CLK3: variants seen among roughly 807,000 people sequenced by gnomAD.
CLK3 encodes the protein dual specificity protein kinase CLK3.
Under a neutral mutation model 65.2 loss-of-function variants are expected in CLK3, and 24 were observed. The observed-to-expected ratio is 0.37, with a 90% CI of 0.27 to 0.52. CLK3 has a LOEUF of 0.52. CLK3 is among the 20% of genes least tolerant of loss of function. The pLI is 0.92. For missense variants in CLK3, 506 were observed against 660.0 expected, an observed-to-expected ratio of 0.77 and a Z score of 2.56; for synonymous variants, 252 against 240.8, an observed-to-expected ratio of 1.05 and a Z score of -0.43.
chr15:74,615,622 C>T, upstream of CLK3: 4 of 1,252,160 alleles, frequency 3.2e-6, no homozygotes, highest in Non-Finnish European at 4.0e-6. Context: ...TGCGCCGCGA[C>T]ACGGCGGGAG....
In CLK3 at chr15:74,627,296, TG is replaced by T; in HGVS notation, c.818-54del. The T allele has an allele frequency of 7.2e-7, 1 of 1,388,266 alleles. No individual in the cohort carries two copies. The highest frequency in any genetic ancestry group is 1.2e-5 in the South Asian group (1 of 86,070). 86.0% of individuals were successfully genotyped at this position (1,388,266 alleles called of 1,614,324 possible). A position where few individuals can be genotyped will look rare whatever the true frequency, so the allele number is the denominator to read the frequency against. On this transcript the variant is annotated intron_variant, in intron 7 of 12. Coordinates refer to ENST00000395066, the MANE Select transcript of CLK3 (RefSeq NM_001130028.2). The surrounding 1 kb of genome is among the most constrained non-coding windows in gnomAD (Gnocchi z 4.3). ...TTGGAAGAGGGGTCTGGCCTAGAGC[TG>T]GCAGGAGAGCCAGCTTCTCAGTGCC...
Position 74,624,913 on chromosome 15 carries a change from A to T in CLK3, c.545A>T (p.Gln182Leu). ...ECLDHARGKS[Q>L]VALKIIRNVG... The stretch of plus-strand genomic sequence containing the variant: ...TTCCCGGGTACCAGAGGGAAGTCTC[A>T]GGTTGCCCTGAAGATCATCCGCAAC... Residue 182 changes from glutamine (Q) to leucine (L), a missense_variant, in exon 6 of 13, where the codon CAG becomes CTG. Coordinates refer to ENST00000395066, the MANE Select transcript of CLK3 (RefSeq NM_001130028.2). This position sits in a 1 kb window ranked among gnomAD's most constrained non-coding sequence, Gnocchi z 4.2. 6.2e-7 allele frequency: 1 copy of T among 1,605,282 alleles called. No homozygotes were observed. The highest frequency in any genetic ancestry group is 1.7e-5 in the Admixed American group (1 of 58,376).
chr15:74,619,393 G>A (rs780180763), intron 2 of CLK3, 45 bp downstream of exon 2: 2 of 1,605,054 alleles, frequency 1.2e-6, no homozygotes, highest in Non-Finnish European at 1.7e-6. Flanking sequence ...TCTGTCAGCT[G>A]GGCTCAGCTG....
Position 74,624,733 on chromosome 15 carries a change from G to A in CLK3, c.534-169G>A. 1 of 613,626 alleles carries A rather than the reference G, an allele frequency of 1.6e-6. No homozygotes were observed. The highest frequency in any genetic ancestry group is 3.0e-6 in the Non-Finnish European group (1 of 335,718). The allele number at this position is 613,626 out of a possible 1,614,324, so 38.0% of individuals were successfully genotyped here. On this transcript the variant is annotated intron_variant, in intron 5 of 12. Coordinates refer to ENST00000395066, the MANE Select transcript of CLK3 (RefSeq NM_001130028.2). The surrounding 1 kb of genome is among the most constrained non-coding windows in gnomAD (Gnocchi z 4.2). ...ATCTCAGGGAGCTTGCTGTTGGGTG[G>A]GCAAAGGTCTGGTGTTGCATGGGGC...
chr15:74,622,566 C>A lies in CLK3; in HGVS notation c.533+6C>A. ...GAGTGCTTGGACCATGCCAGGTGAG[C>A]GAGCTGCGGCAGTACAGCTGGCTCC... On this transcript the variant is annotated splice_donor_region_variant and intron_variant, in intron 5 of 12. Transcript: ENST00000395066. The surrounding 1 kb of genome is among the most constrained non-coding windows in gnomAD (Gnocchi z 4.6). The A allele has an allele frequency of 6.2e-7, 1 of 1,606,478 alleles. No individual in the cohort carries two copies. The highest frequency in any genetic ancestry group is 8.5e-7 in the Non-Finnish European group (1 of 1,176,278).
At position 74,622,307 on chromosome 15, in the gene CLK3, C is replaced by A; in HGVS notation, c.466+91C>A. 7.8e-7 allele frequency: 1 copy of A among 1,286,326 alleles called. No individual in the cohort carries two copies. 79.7% of individuals were successfully genotyped at this position (1,286,326 alleles called of 1,614,324 possible). A position where few individuals can be genotyped will look rare whatever the true frequency, so the allele number is the denominator to read the frequency against. Reference sequence around the variant, plus strand: ...CCTGCCTGGAGGGGCCTCTAGTGCGCGTGGTGCCTTAGCGGGGCCACCAGT... The same window carrying A: ...CCTGCCTGGAGGGGCCTCTAGTGCGAGTGGTGCCTTAGCGGGGCCACCAGT... On this transcript the variant is annotated intron_variant, in intron 4 of 12. Transcript: ENST00000395066. The surrounding 1 kb of genome is among the most constrained non-coding windows in gnomAD (Gnocchi z 4.6).
chr15:74,627,031 C>G lies in CLK3; in HGVS notation c.818-321C>G, dbSNP rs2062148356. The G allele has an allele frequency of 2.0e-6, 1 of 502,308 alleles. No homozygotes were observed. Among genetic ancestry groups the G allele is most frequent in the East Asian group, 5.5e-5 (1 of 18,228 alleles). The allele number at this position is 502,308 out of a possible 1,614,324, so 31.1% of individuals were successfully genotyped here. A position where few individuals can be genotyped will look rare whatever the true frequency, so the allele number is the denominator to read the frequency against. ...AGCTGGTGCAGGGAAGAGGGAACCACCTCGAGGCTGTTGCTGTAGCTCTGC... is the reference window on the plus strand; with the variant it reads ...AGCTGGTGCAGGGAAGAGGGAACCAGCTCGAGGCTGTTGCTGTAGCTCTGC... On this transcript the variant is annotated intron_variant, in intron 7 of 12. Transcript: ENST00000395066. This position sits in a 1 kb window ranked among gnomAD's most constrained non-coding sequence, Gnocchi z 4.3.
Position 74,624,545 on chromosome 15 carries a change from T to TAACA in CLK3, c.534-357_534-356insAACA. On this transcript the variant is annotated intron_variant, in intron 5 of 12. Transcript: ENST00000395066. This position sits in a 1 kb window ranked among gnomAD's most constrained non-coding sequence, Gnocchi z 4.2. ...TCTCGGTGGGACAGCCTGGCCAGGG[T>TAACA]TGGGGCTGCCTGGCCTATAGGTTAG... The TAACA allele has an allele frequency of 5.7e-6, 1 of 174,968 alleles. No homozygotes were observed. Among genetic ancestry groups the TAACA allele is most frequent in the South Asian group, 2.0e-4 (1 of 5,102 alleles). 10.8% of individuals were successfully genotyped at this position (174,968 alleles called of 1,614,324 possible). A position where few individuals can be genotyped will look rare whatever the true frequency, so the allele number is the denominator to read the frequency against.
In CLK3 at chr15:74,630,126, T is replaced by A. The variant is rs2062182048; in HGVS notation, c.*243T>A. 2.2e-6 allele frequency: 1 copy of A among 460,812 alleles called. No homozygotes were observed. The highest frequency in any genetic ancestry group is 1.9e-5 in the African/African-American group (1 of 51,604). The allele number at this position is 460,812 out of a possible 1,614,324, so 28.5% of individuals were successfully genotyped here. A position where few individuals can be genotyped will look rare whatever the true frequency, so the allele number is the denominator to read the frequency against. On this transcript the variant is annotated 3_prime_UTR_variant, in exon 13 of 13. Transcript: ENST00000395066. ...GTTTCTTACTGTTTGTAACCCCTGGTACCAGTGTGTCCATCTCCAGGCTCC... is the reference window on the plus strand; with the variant it reads ...GTTTCTTACTGTTTGTAACCCCTGGAACCAGTGTGTCCATCTCCAGGCTCC...
At chr15:74,608,882 C>A (rs1181854592) in intron 1 of CLK3, among the ~76,000 whole-genome samples, 1 of 152,224 alleles carries the variant, frequency 6.6e-6, no homozygotes, top group Non-Finnish European at 1.5e-5. Flanking sequence ...ACAGAGCCCC[C>A]ACCCCAGCCT....
upstream of CLK3, chr15:74,615,642 G>A: frequency 2.4e-6 from 3 of 1,251,032 alleles, no homozygotes; most frequent in South Asian, 3.1e-5. Flanking sequence ...GGCGGGCCGG[G>A]CCAGGCTCGT....
rs748674369 is a variant in CLK3 at position 74,625,924 on chromosome 15, C to G, written c.773C>G (p.Pro258Arg). 3 of 1,614,000 alleles carry G rather than the reference C, an allele frequency of 1.9e-6. No homozygotes were observed. The African/African-American group carries it at 4.0e-5, about 22-fold the overall frequency. ...KENNFQPYPL[P>R]HVRHMAYQLC... ...AATAACTTCCAGCCTTACCCCCTAC[C>G]ACATGTCCGGCACATGGCCTACCAG... The change falls in exon 7 of 13, where the codon CCA (proline) becomes CGA (arginine). Residue 258 changes from proline to arginine, a missense_variant. This residue lies in a region of CLK3 where 325 missense variants were observed against 500.5 expected (regional missense o/e 0.65). Transcript: ENST00000395066.
rs2062153643 is a variant in CLK3 at position 74,627,548 on chromosome 15, G to A, written c.922G>A (p.Glu308Lys). 6.2e-7 allele frequency: 1 copy of A among 1,614,084 alleles called. No homozygotes were observed. The highest frequency in any genetic ancestry group is 1.3e-5 in the African/African-American group (1 of 74,934). Reference protein sequence around the residue: ...TLYNEHKSCEEKSVKNTSIRV... With the variant: ...TLYNEHKSCEKKSVKNTSIRV... ...CTGCCTTGCCTTTCAGAGCTGTGAG[G>A]AGAAGTCAGTGAAGAACACCAGCAT... The change falls in exon 9 of 13, where the codon GAG becomes AAG. Residue 308 changes from glutamate (E) to lysine (K), a missense_variant. By Grantham distance (56) the Glu-to-Lys change is moderately conservative. This residue lies in a region of CLK3 where 325 missense variants were observed against 500.5 expected (regional missense o/e 0.65). Coordinates refer to ENST00000395066, the MANE Select transcript of CLK3 (RefSeq NM_001130028.2). This position sits in a 1 kb window ranked among gnomAD's most constrained non-coding sequence, Gnocchi z 4.3.
Position 74,627,408 on chromosome 15 carries a change from G to A in CLK3, c.874G>A (p.Val292Met), listed in dbSNP as rs2062151718. 1 of 1,614,090 alleles carries A rather than the reference G, an allele frequency of 6.2e-7. No individual in the cohort carries two copies. The highest frequency in any genetic ancestry group is 2.2e-5 in the East Asian group (1 of 44,882). The change falls in exon 8 of 13, where the codon GTG becomes ATG. Residue 292 changes from valine (V) to methionine (M), a missense_variant. Val to Met is a conservative substitution (Grantham distance 21). This residue lies in a region of CLK3 where 325 missense variants were observed against 500.5 expected (regional missense o/e 0.65). Coordinates refer to ENST00000395066, the MANE Select transcript of CLK3 (RefSeq NM_001130028.2). This position sits in a 1 kb window ranked among gnomAD's most constrained non-coding sequence, Gnocchi z 4.3. The stretch of plus-strand genomic sequence containing the variant: ...CTTGAAACCAGAGAACATCCTGTTT[G>A]TGAATTCTGAGTTTGAAACCCTCTA... ...TDLKPENILF[V>M]NSEFETLYNE...
At chr15:74,626,726 G>A (rs553350503) in intron 7 of CLK3, among the ~76,000 whole-genome samples, 1 of 152,308 alleles carries the variant, frequency 6.6e-6, no homozygotes, top group Non-Finnish European at 1.5e-5. Flanking sequence ...GGAGTGGTGG[G>A]CCACATAGTT....
At chr15:74,610,973 C>T (rs576299071), upstream of CLK3, among the ~76,000 whole-genome samples, 1 of 152,214 alleles carries the variant, frequency 6.6e-6, no homozygotes, top group South Asian at 2.1e-4. Flanking sequence ...CCATCTCCCC[C>T]TCTCTGGGGC....
At position 74,619,334 on chromosome 15, in the gene CLK3, A is replaced by T; in HGVS notation, c.138A>T (p.Arg46Ser). 2.5e-6 allele frequency: 4 copies of T among 1,614,090 alleles called. No homozygotes were observed. Among genetic ancestry groups the T allele is most frequent in the Non-Finnish European group, 3.4e-6 (4 of 1,179,976 alleles). The part of the protein sequence containing the change: ...YPSRREPPPR[R>S]SRSRSHDRLP... ...CCCGAAGGGAGCCTCCCCCACGAAG[A>T]TCTCGGTCCAGAAGGTGAGAGGGAA... is the stretch of plus-strand genomic sequence containing the variant. Residue 46 changes from arginine (R) to serine (S), a missense_variant, in exon 2 of 13, where the codon AGA becomes AGT. Arg to Ser is a moderately radical substitution (Grantham distance 110, BLOSUM62 -1). This residue lies in a region of CLK3 where 181 missense variants were observed against 159.4 expected (regional missense o/e 1.14). Coordinates refer to ENST00000395066, the MANE Select transcript of CLK3 (RefSeq NM_001130028.2).
upstream of CLK3, among the ~76,000 whole-genome samples, chr15:74,610,946 AC>A (rs2061981785): frequency 6.6e-6 from 1 of 151,684 alleles, no homozygotes; most frequent in Non-Finnish European, 1.5e-5. Context: ...CTTCCCAAGA[AC>A]CCTCAGCTTG....
At position 74,628,063 on chromosome 15, in the gene CLK3, C is replaced by T. The variant is rs1262357373; in HGVS notation, c.1125+11C>T. 1.9e-6 allele frequency: 3 copies of T among 1,587,044 alleles called. No individual in the cohort carries two copies. Among genetic ancestry groups the T allele is most frequent in the South Asian group, 2.2e-5 (2 of 90,540 alleles). Reference sequence around the variant, plus strand: ...TTCACACTCTTCCAGGTACAGCCACCCTGCATTGGTCCCCTACCCTGAGTA... The same window carrying T: ...TTCACACTCTTCCAGGTACAGCCACTCTGCATTGGTCCCCTACCCTGAGTA... On this transcript the variant is annotated intron_variant, in intron 10 of 12. Coordinates refer to ENST00000395066, the MANE Select transcript of CLK3 (RefSeq NM_001130028.2).
Sources: allele counts gnomAD v4.1 joint callset (sites outside exome capture counted in the v4.1 genomes callset), GRCh38; gene constraint gnomAD v4.1.1; regional missense constraint gnomAD v4.1.1; non-coding constraint Gnocchi (gnomAD v3.1); transcripts MANE v1.5; gene names NCBI Gene and HGNC (gene_info 2026-07-23, HGNC 2026-07-21).